The following ADAMTS19 variants were observed in gnomAD, a reference collection of about 807,000 sequenced individuals.
ADAMTS19 encodes the protein ADAM metallopeptidase with thrombospondin type 1 motif 19.
In ADAMTS19, 93 loss-of-function variants were observed where a neutral mutation model predicts 153.3. That is an observed-to-expected ratio of 0.61 (90% CI 0.51 to 0.72). The LOEUF (loss-of-function observed/expected upper bound fraction) is 0.72. Among genes scored for constraint, ADAMTS19 ranks in the 30% least tolerant of loss-of-function variants. The pLI, the probability that ADAMTS19 is intolerant of heterozygous loss-of-function variation, is 0.00. For missense variants in ADAMTS19, 1,482 were observed against 1,552.1 expected (o/e 0.95, Z 0.76); for synonymous variants, 600 against 556.6 (o/e 1.08, Z -1.10).
rs187690009 is a variant in ADAMTS19 at position 129,524,728 on chromosome 5, C to T, written c.914-1556C>T. On this transcript the variant is annotated intron_variant, in intron 3 of 22. Coordinates refer to ENST00000274487, the MANE Select transcript of ADAMTS19 (RefSeq NM_133638.6). ...TGTACACCTATGTAACAAACCTGCA[C>T]GTTCTGCACATGTATCCCAGAACTT... Among the ~76,000 whole-genome samples, 19 of 150,972 alleles carry T rather than the reference C, an allele frequency of 1.3e-4. No individual in the cohort carries two copies. In the East Asian group the frequency reaches 3.1e-3, roughly 25 times the overall value.
chr5:129,593,698 A>ACGT (rs1750250465), intron 7 of ADAMTS19, among the ~76,000 whole-genome samples: 1 of 152,114 alleles, frequency 6.6e-6, no homozygotes, highest in Non-Finnish European at 1.5e-5. Context: ...GATCTGCAAA[A>ACGT]CGTCAACCTA....
chr5:129,524,948 G>T (rs972415680), intron 3 of ADAMTS19, among the ~76,000 whole-genome samples: 1 of 151,908 alleles, frequency 6.6e-6, no homozygotes, highest in East Asian at 1.9e-4. Flanking sequence ...GCCTCTTTTC[G>T]TCAGTATTAT....
At chr5:129,514,168 T>A (rs1751523536) in intron 3 of ADAMTS19, among the ~76,000 whole-genome samples, 1 of 151,798 alleles carries the variant, frequency 6.6e-6, no homozygotes, top group Admixed American at 6.6e-5. Flanking sequence ...AAGTACCACA[T>A]TTTCTTTATC....
intron 20 of ADAMTS19, among the ~76,000 whole-genome samples, chr5:129,702,209 C>T (rs542765161): frequency 2.0e-5 from 3 of 152,118 alleles, no homozygotes; most frequent in Non-Finnish European, 2.9e-5. Flanking sequence ...CCATGCCAAA[C>T]CATAGTGATT....
At position 129,738,094 on chromosome 5, in the gene ADAMTS19, T is replaced by C. The variant is rs1470633211; in HGVS notation, c.*876T>C. ...TTATTAAAGAGTATAGTACTTAGCC[T>C]CACGAATCATAATTAGAAAATTTAC... On this transcript the variant is annotated 3_prime_UTR_variant, in exon 23 of 23. Transcript: ENST00000274487. 1 of 152,474 alleles carries C rather than the reference T, an allele frequency of 6.6e-6. No homozygotes were observed. The highest frequency in any genetic ancestry group is 6.6e-5 in the Admixed American group (1 of 15,222). The allele number at this position is 152,474 out of a possible 1,614,324, so 9.4% of individuals were successfully genotyped here. A position where few individuals can be genotyped will look rare whatever the true frequency, so the allele number is the denominator to read the frequency against.
chr5:129,512,788 C>T (rs1386760601), intron 3 of ADAMTS19, among the ~76,000 whole-genome samples: 1 of 151,964 alleles, frequency 6.6e-6, no homozygotes, highest in Non-Finnish European at 1.5e-5. Context: ...TAAACTATCC[C>T]CCTCATTTTA....
chr5:129,487,322 T>C (rs1022395616), intron 2 of ADAMTS19, among the ~76,000 whole-genome samples: 1 of 152,144 alleles, frequency 6.6e-6, no homozygotes, highest in African/African-American at 2.4e-5. Context: ...ATATTTTGTG[T>C]AAACAACAAT....
chr5:129,538,360 T>C (rs1752534183), intron 6 of ADAMTS19, among the ~76,000 whole-genome samples: 1 of 152,090 alleles, frequency 6.6e-6, no homozygotes, highest in Non-Finnish European at 1.5e-5. Flanking sequence ...TACATACAAG[T>C]TTTGTTTCTC....
chr5:129,683,935 C>T (rs1332296599), intron 17 of ADAMTS19, among the ~76,000 whole-genome samples, 185 bp from the exon 18 acceptor site: 1 of 151,076 alleles, frequency 6.6e-6, no homozygotes, highest in Non-Finnish European at 1.5e-5. Flanking sequence ...GCAATATCTA[C>T]ATTTAAGAAT....
At chr5:129,526,597 G>C (rs2126762917) in intron 4 of ADAMTS19, 141 bp downstream of exon 4, 1 of 767,038 alleles carries the variant, frequency 1.3e-6, no homozygotes, top group African/African-American at 1.9e-5. Context: ...AAATACTTAG[G>C]TATATAAAAT....
At chr5:129,474,574 C>T (rs1265501309) in intron 2 of ADAMTS19, among the ~76,000 whole-genome samples, 1 of 151,936 alleles carries the variant, frequency 6.6e-6, no homozygotes, top group Non-Finnish European at 1.5e-5. Flanking sequence ...GTTTATATAC[C>T]ACAAAAATCT....
At position 129,620,756 on chromosome 5, in the gene ADAMTS19, C is replaced by G. The variant is rs1224358957; in HGVS notation, c.1617C>G (p.Leu539=). The change falls in exon 9 of 23, where the codon CTC becomes CTG. Residue 539 remains leucine (L), a splice_region_variant and synonymous_variant. Transcript: ENST00000274487. ...RCSKEDLERF[L]RSKASNCLLQ... is the part of the protein sequence containing the mutation. ...GCAAGGAAGATTTGGAAAGATTTCT[C>G]AGGTATGGAGGTCACTTATTGTTTT... is the stretch of plus-strand genomic sequence containing the variant. 5 of 1,611,778 alleles carry G rather than the reference C, an allele frequency of 3.1e-6. No individual in the cohort carries two copies. The highest frequency in any genetic ancestry group is 1.7e-4 in the Middle Eastern group (1 of 6,046).
Position 129,665,539 on chromosome 5 carries a change from A to G in ADAMTS19, c.2466A>G (p.Arg822=), listed in dbSNP as rs188789381. ...TGGTGATACCTGCTGGAGCAAGAAG[A>G]ATCAAAGTTGTGGAGGAAAAGCCGG... ...EVLVIPAGAR[R]IKVVEEKPAH... is the part of the protein sequence containing the mutation. Residue 822 remains arginine, a synonymous_variant, in exon 16 of 23, where the codon AGA becomes AGG. Transcript: ENST00000274487. 1 of 1,610,870 alleles carries G rather than the reference A, an allele frequency of 6.2e-7. No individual in the cohort carries two copies. The highest frequency in any genetic ancestry group is 1.3e-5 in the African/African-American group (1 of 74,928).
chr5:129,614,243 T>G (rs940901031), intron 8 of ADAMTS19, among the ~76,000 whole-genome samples: 1 of 152,008 alleles, frequency 6.6e-6, no homozygotes, highest in Non-Finnish European at 1.5e-5. Flanking sequence ...AAAAGAGAAT[T>G]TTAGACCAAT....
chr5:129,487,873 A>G (rs1190076795), intron 2 of ADAMTS19, among the ~76,000 whole-genome samples: 1 of 152,132 alleles, frequency 6.6e-6, no homozygotes, highest in East Asian at 1.9e-4. Flanking sequence ...ATATTGAATT[A>G]ATGAGAATTG....
intron 13 of ADAMTS19, among the ~76,000 whole-genome samples, chr5:129,649,598 G>T (rs1157214662): frequency 6.6e-6 from 1 of 152,098 alleles, no homozygotes; most frequent in Non-Finnish European, 1.5e-5. Flanking sequence ...ACTATAAAGG[G>T]GTAGAATGAG....
rs1756042562 is a variant in ADAMTS19, at chr5:129,704,280, T to C, written c.3201T>C (p.Val1067=). Residue 1067 remains valine, a synonymous_variant, in exon 21 of 23, where the codon GTT becomes GTC. Transcript: ENST00000274487. ...KCGKGIRHRT[V]RCTNPRKKCV... ...GCAAAGGCATACGTCATCGGACCGTTAGATGTACCAACCCAAGAAAGAAGT... is the reference window on the plus strand; with the variant it reads ...GCAAAGGCATACGTCATCGGACCGTCAGATGTACCAACCCAAGAAAGAAGT... The C allele has an allele frequency of 1.9e-6, 3 of 1,614,132 alleles. No individual in the cohort carries two copies. Among genetic ancestry groups the C allele is most frequent in the African/African-American group, 2.7e-5 (2 of 75,046 alleles).
In ADAMTS19 at chr5:129,620,610, C is replaced by A; in HGVS notation, c.1479-8C>A. ...TAAATTTTAAAATTTTATTATATTC[C>A]AAATCAGCATGGGCATTAACCATGA... On this transcript the variant is annotated splice_region_variant and splice_polypyrimidine_tract_variant and intron_variant, in intron 8 of 22. Transcript: ENST00000274487. 6.5e-7 allele frequency: 1 copy of A among 1,547,514 alleles called. No homozygotes were observed. Among genetic ancestry groups the A allele is most frequent in the South Asian group, 1.3e-5 (1 of 76,882 alleles).
At chr5:129,466,118 A>C (rs928858532) in intron 2 of ADAMTS19, among the ~76,000 whole-genome samples, 1 of 152,192 alleles carries the variant, frequency 6.6e-6, no homozygotes, top group Non-Finnish European at 1.5e-5. Flanking sequence ...AGGAACAGAG[A>C]ATAGAGGCAG....
Sources: allele counts gnomAD v4.1 joint callset (sites outside exome capture counted in the v4.1 genomes callset), GRCh38; gene constraint gnomAD v4.1.1; transcripts MANE v1.5; gene names NCBI Gene and HGNC (gene_info 2026-07-23, HGNC 2026-07-21).